The following IPO11 variants were observed in gnomAD, a reference collection of about 807,000 sequenced individuals.
IPO11 encodes the protein importin-11.
Under a neutral mutation model 143.2 loss-of-function variants are expected in IPO11, and 66 were observed. The observed-to-expected ratio is 0.46, with a 90% confidence interval of 0.38 to 0.57. The LOEUF (loss-of-function observed/expected upper bound fraction) is 0.57, where lower values mean the gene tolerates loss of function less well. Ranked by LOEUF, IPO11 falls within the 20% of genes least tolerant of loss-of-function variation. The pLI is 0.00. For synonymous variants in IPO11, 385 were observed against 377.8 expected (o/e 1.02, Z -0.22); for missense variants, 1,026 against 1,141.0 (o/e 0.90, Z 1.45).
chr5:62,614,136 A>G (rs1311663097), intron 29 of IPO11, among the ~76,000 whole-genome samples: 1 of 152,252 alleles, frequency 6.6e-6, no homozygotes, highest in Admixed American at 6.5e-5. Flanking sequence ...GTACTTTAAA[A>G]TAAAACACAT....
chr5:62,559,809 G>T (rs1362977952), intron 26 of IPO11, among the ~76,000 whole-genome samples: 1 of 150,926 alleles, frequency 6.6e-6, no homozygotes, highest in Non-Finnish European at 1.5e-5. Context: ...CTAGCTACTT[G>T]GGAGGCTCAG....
intron 20 of IPO11, among the ~76,000 whole-genome samples, chr5:62,522,004 G>T (rs1742217592): frequency 6.6e-6 from 1 of 151,896 alleles, no homozygotes. Context: ...TTCTTTTAGG[G>T]TGCTGTTTTC....
chr5:62,571,535 C>G (rs1236258586), intron 27 of IPO11, among the ~76,000 whole-genome samples: 1 of 152,120 alleles, frequency 6.6e-6, no homozygotes, highest in African/African-American at 2.4e-5. Flanking sequence ...ACATCTCTTT[C>G]TTTTGAAAGA....
intron 10 of IPO11, among the ~76,000 whole-genome samples, chr5:62,483,738 C>A (rs1746297937): frequency 6.6e-6 from 1 of 151,976 alleles, no homozygotes; most frequent in African/African-American, 2.4e-5. Flanking sequence ...CATGCACACA[C>A]CCCCCACACC....
chr5:62,497,106 A>G (rs1292450408), intron 16 of IPO11, among the ~76,000 whole-genome samples: 1 of 152,248 alleles, frequency 6.6e-6, no homozygotes, highest in Non-Finnish European at 1.5e-5. Flanking sequence ...GAATCGGGAT[A>G]CATTTGATAC....
At chr5:62,514,788 G>A (rs570331990) in intron 19 of IPO11, among the ~76,000 whole-genome samples, 1 of 152,342 alleles carries the variant, frequency 6.6e-6, no homozygotes, top group Non-Finnish European at 1.5e-5. Context: ...AGACTGAGCT[G>A]TGCTCCAGGG....
intron 1 of IPO11, among the ~76,000 whole-genome samples, chr5:62,428,750 G>A (rs181958786): frequency 2.8e-4 from 42 of 152,220 alleles, no homozygotes; most frequent in African/African-American, 9.6e-4. Flanking sequence ...CTGCAAGTCA[G>A]ACTCCTGGGC....
intron 20 of IPO11, among the ~76,000 whole-genome samples, chr5:62,524,085 T>C (rs1039296274): frequency 1.1e-4 from 17 of 152,154 alleles, no homozygotes; most frequent in Non-Finnish European, 1.6e-4. Context: ...TAATAACCGA[T>C]GAATTCATTT....
At chr5:62,432,991 A>G (rs577863944) in intron 1 of IPO11, among the ~76,000 whole-genome samples, 2 of 152,222 alleles carry the variant, frequency 1.3e-5, no homozygotes, top group Non-Finnish European at 2.9e-5. Flanking sequence ...ATACTTGGAC[A>G]CATTGGGAAC....
In IPO11 at chr5:62,508,693, G is replaced by A. The variant is rs551338848; in HGVS notation, c.1782+2336G>A. On this transcript the variant is annotated intron_variant, in intron 19 of 29. Transcript: ENST00000325324. ...TATACATGTGCCATGTTGTTTTGCT[G>A]CACCCATCATGTTGACAGTTACATT... is the stretch of plus-strand genomic sequence containing the variant. 5.8e-3 allele frequency among the ~76,000 whole-genome samples: 853 copies of A among 147,714 alleles called. 2 individuals are homozygous for A. Among genetic ancestry groups the A allele is most frequent in the Middle Eastern group, 0.017 (5 of 286 alleles).
intron 19 of IPO11, among the ~76,000 whole-genome samples, chr5:62,506,558 A>T (rs983782223): frequency 6.6e-6 from 1 of 152,278 alleles, no homozygotes; most frequent in South Asian, 2.1e-4. Flanking sequence ...ATACTAAAAA[A>T]AAAATTGGAT....
In IPO11 at chr5:62,467,237, T is replaced by A; in HGVS notation, c.623T>A (p.Leu208Gln). ...AATGAAGCTGCAATTTTGAGTTCAC[T>A]AGAACGAACACTGCTATCATTGAAA... ...SGNEAAILSS[L>Q]ERTLLSLKVL... Residue 208 changes from leucine to glutamine, a missense_variant, in exon 6 of 30, where the codon CTA becomes CAA. Around this residue, in one of 5 missense-constraint regions of IPO11, gnomAD observed 429 missense variants for 456.3 expected, o/e 0.94. Coordinates refer to ENST00000325324, the MANE Select transcript of IPO11 (RefSeq NM_016338.5). The A allele has an allele frequency of 1.2e-6, 2 of 1,614,022 alleles. No individual in the cohort carries two copies. The highest frequency in any genetic ancestry group is 1.7e-6 in the Non-Finnish European group (2 of 1,179,956).
At chr5:62,551,468 A>G (rs1743388722) in intron 26 of IPO11, 132 bp downstream of exon 26, 2 of 509,916 alleles carry the variant, frequency 3.9e-6, no homozygotes, top group South Asian at 2.9e-5. Context: ...ATCTTTATTT[A>G]TGCTGTATCA....
At chr5:62,517,361 C>A (rs1268396776) in intron 20 of IPO11, among the ~76,000 whole-genome samples, 1 of 152,122 alleles carries the variant, frequency 6.6e-6, no homozygotes. Flanking sequence ...CAATGAACGA[C>A]CCGAGATATT....
intron 27 of IPO11, among the ~76,000 whole-genome samples, chr5:62,568,172 C>T (rs1173124642): frequency 2.0e-5 from 3 of 151,216 alleles, no homozygotes; most frequent in Non-Finnish European, 4.4e-5. Flanking sequence ...TGCCATGTTG[C>T]CCAGTCTGGT....
In IPO11 at chr5:62,486,045, A is replaced by G. The variant is rs575683440; in HGVS notation, c.1218+583A>G. On this transcript the variant is annotated intron_variant, in intron 12 of 29. Coordinates refer to ENST00000325324, the MANE Select transcript of IPO11 (RefSeq NM_016338.5). ...TGCCCAGGCTGGAGTGCACTGGTGC[A>G]TCTCGGCTCACTGCAAGCTCCGCCC... Among the ~76,000 whole-genome samples, 14 of 145,888 alleles carry G rather than the reference A, an allele frequency of 9.6e-5. No homozygotes were observed. The South Asian group carries it at 3.0e-3, about 31-fold the overall frequency.
At chr5:62,481,822 T>G (rs1746223779) in intron 9 of IPO11, among the ~76,000 whole-genome samples, 2 of 152,154 alleles carry the variant, frequency 1.3e-5, no homozygotes, top group African/African-American at 4.8e-5. Context: ...TTAGGGAGGA[T>G]TCCCTCTTTT....
chr5:62,626,760 G>A (rs774814757), intron 29 of IPO11, among the ~76,000 whole-genome samples: 7 of 151,792 alleles, frequency 4.6e-5, no homozygotes, highest in Non-Finnish European at 8.8e-5. Context: ...GATCCTGAGG[G>A]CATCACTGGG....
At chr5:62,583,560 A>G (rs1744647107) in intron 27 of IPO11, among the ~76,000 whole-genome samples, 1 of 152,156 alleles carries the variant, frequency 6.6e-6, no homozygotes, top group South Asian at 2.1e-4. Flanking sequence ...AGTGGTATTC[A>G]TTAAATGTTC....
Sources: gnomAD v4.1 joint callset for allele counts (sites outside exome capture counted in the v4.1 genomes callset) on GRCh38, gnomAD v4.1.1 for gene constraint, gnomAD v4.1.1 regional missense constraint, MANE v1.5 for transcripts, NCBI Gene and HGNC (gene_info 2026-07-23, HGNC 2026-07-21) for gene names.